Variants in TANC2 observed in about 807,000 individuals in gnomAD.
TANC2 encodes the protein tetratricopeptide repeat, ankyrin repeat and coiled-coil containing 2.
TANC2 carries 26 observed loss-of-function variants against 210.5 expected under a neutral mutation model. That is an observed-to-expected ratio of 0.12 (90% CI 0.09 to 0.17). TANC2 has a LOEUF of 0.17. Ranked by LOEUF, TANC2 falls within the 10% of genes least tolerant of loss-of-function variation. The probability of loss-of-function intolerance (pLI) is 1.00; values close to 1 mark genes in which losing one functional copy is unlikely to be tolerated. For synonymous variants in TANC2, 931 were observed against 967.1 expected (o/e 0.96, Z 0.69); for missense variants, 2,129 against 2,608.9 (o/e 0.82, Z 4.01).
At chr17:63,304,945 G>A (rs2044849984) in intron 9 of TANC2, among the ~76,000 whole-genome samples, 1 of 152,230 alleles carries the variant, frequency 6.6e-6, no homozygotes, top group African/African-American at 2.4e-5. Flanking sequence ...GCAGGGGAAA[G>A]CGCAGCCTGG....
chr17:63,223,797 G>C (rs1177428572), intron 7 of TANC2, among the ~76,000 whole-genome samples: 2 of 151,966 alleles, frequency 1.3e-5, no homozygotes, highest in Admixed American at 6.6e-5. Flanking sequence ...TCTGATTTGG[G>C]CCATTTTCTT....
At chr17:63,164,081 A>G (rs923335515) in intron 5 of TANC2, among the ~76,000 whole-genome samples, 6 of 151,370 alleles carry the variant, frequency 4.0e-5, no homozygotes, top group Admixed American at 2.0e-4. Flanking sequence ...AGAAAAACAA[A>G]TCACTACTGG....
chr17:62,968,322 A>C (rs1006681723), intron 1 of TANC2, among the ~76,000 whole-genome samples: 2 of 152,258 alleles, frequency 1.3e-5, no homozygotes, highest in Non-Finnish European at 2.9e-5. Flanking sequence ...ATTAAATTAC[A>C]TGTGTGAATG....
At chr17:63,165,507 T>A (rs1359650673) in intron 5 of TANC2, among the ~76,000 whole-genome samples, 1 of 152,214 alleles carries the variant, frequency 6.6e-6, no homozygotes, top group Non-Finnish European at 1.5e-5. Flanking sequence ...GCCCTTCTTA[T>A]AACGGTCTGT....
intron 1 of TANC2, among the ~76,000 whole-genome samples, chr17:62,989,917 C>A (rs1026461775): frequency 6.6e-6 from 1 of 151,552 alleles, no homozygotes; most frequent in Non-Finnish European, 1.5e-5. Context: ...ACTACAGGTG[C>A]GCACCGCCAC....
At chr17:63,134,160 T>C (rs2039011948) in intron 4 of TANC2, among the ~76,000 whole-genome samples, 1 of 152,104 alleles carries the variant, frequency 6.6e-6, no homozygotes, top group Non-Finnish European at 1.5e-5. Context: ...GGGACAGACA[T>C]AACTGAGGTA....
At chr17:63,097,875 C>A (rs936126897) in intron 3 of TANC2, among the ~76,000 whole-genome samples, 1 of 152,082 alleles carries the variant, frequency 6.6e-6, no homozygotes, top group Non-Finnish European at 1.5e-5. Context: ...TTCTTTGACT[C>A]TCCATTCATC....
At chr17:63,188,434 A>G (rs2041068731) in intron 5 of TANC2, among the ~76,000 whole-genome samples, 1 of 152,000 alleles carries the variant, frequency 6.6e-6, no homozygotes, top group Admixed American at 6.6e-5. Context: ...TCTACTAAAA[A>G]TACAAAAAAT....
intron 8 of TANC2, among the ~76,000 whole-genome samples, chr17:63,257,547 A>G (rs1016000846): frequency 6.6e-6 from 1 of 152,090 alleles, no homozygotes; most frequent in Non-Finnish European, 1.5e-5. Flanking sequence ...TTTTGTAGAG[A>G]TGGGGTTTTG....
At chr17:63,109,002 AC>A (rs1463483237) in intron 4 of TANC2, among the ~76,000 whole-genome samples, 1 of 151,512 alleles carries the variant, frequency 6.6e-6, no homozygotes, top group African/African-American at 2.4e-5. Flanking sequence ...TTTTAAAATA[AC>A]TTTTGGGTTA....
intron 2 of TANC2, among the ~76,000 whole-genome samples, chr17:63,042,334 G>T (rs2144274264): frequency 6.6e-6 from 1 of 152,182 alleles, no homozygotes; most frequent in Admixed American, 6.6e-5. Flanking sequence ...AATATATATA[G>T]ATATGTCCTG....
intron 26 of TANC2, among the ~76,000 whole-genome samples, chr17:63,416,419 A>G (rs1265954046): frequency 6.6e-6 from 1 of 152,220 alleles, no homozygotes; most frequent in African/African-American, 2.4e-5. Flanking sequence ...ACAGTTCCTC[A>G]GGAGATAAAA....
intron 1 of TANC2, among the ~76,000 whole-genome samples, chr17:62,981,658 G>A (rs1233407095): frequency 6.6e-6 from 1 of 152,054 alleles, no homozygotes; most frequent in Non-Finnish European, 1.5e-5. Flanking sequence ...ACAAGTTAAG[G>A]GCACAGTCCT....
chr17:63,017,419 A>G (rs1288843907), intron 2 of TANC2, among the ~76,000 whole-genome samples: 1 of 152,050 alleles, frequency 6.6e-6, no homozygotes, highest in Non-Finnish European at 1.5e-5. Flanking sequence ...TTAAAGAACT[A>G]TTTCTTTAGT....
At chr17:63,366,805 T>C (rs2047123990) in intron 14 of TANC2, among the ~76,000 whole-genome samples, 1 of 152,246 alleles carries the variant, frequency 6.6e-6, no homozygotes, top group African/African-American at 2.4e-5. Flanking sequence ...ATATTTTGAA[T>C]TCAGCTTCCA....
intron 4 of TANC2, among the ~76,000 whole-genome samples, chr17:63,120,322 T>C (rs1405040153): frequency 6.6e-6 from 1 of 152,244 alleles, no homozygotes; most frequent in African/African-American, 2.4e-5. Context: ...ATCCCTATTA[T>C]GCTGATTTGG....
chr17:63,130,905 C>T (rs2038893498), intron 4 of TANC2: 1 of 152,156 alleles, frequency 6.6e-6, no homozygotes, highest in Admixed American at 6.5e-5. Context: ...GGATAATAAA[C>T]ATTTTGTTTT....
intron 6 of TANC2, 111 bp from the exon 7 acceptor site, chr17:63,200,660 G>A: frequency 1.0e-6 from 1 of 956,350 alleles, no homozygotes; most frequent in South Asian, 1.8e-5. Flanking sequence ...CCTAATAGAT[G>A]TAAAAGCTAT....
At chr17:63,403,369 G>T (rs528321281) in intron 19 of TANC2, among the ~76,000 whole-genome samples, 1 of 151,938 alleles carries the variant, frequency 6.6e-6, no homozygotes, top group South Asian at 2.1e-4. Flanking sequence ...TTTTCCAAAT[G>T]GTTTGTTTTA....
Sources: gnomAD v4.1 joint callset for allele counts (sites outside exome capture counted in the v4.1 genomes callset) on GRCh38, gnomAD v4.1.1 for gene constraint, MANE v1.5 for transcripts, NCBI Gene and HGNC (gene_info 2026-07-23, HGNC 2026-07-21) for gene names.